The following ADGRF1 variants were observed in gnomAD, a reference collection of about 807,000 sequenced individuals.
The protein encoded by ADGRF1 is G protein-coupled receptor 110.
A neutral mutation model predicts 87.2 loss-of-function variants in ADGRF1; 85 were observed. The ratio of observed to expected loss-of-function variants is 0.97; its 90% confidence interval spans 0.82 to 1.17. ADGRF1 has a LOEUF of 1.17. Among genes scored for constraint, ADGRF1 ranks in the 50% most tolerant of loss-of-function variants. The pLI is 0.00. For missense variants in ADGRF1, 1,169 were observed against 1,077.2 expected (o/e 1.09, Z -1.19); for synonymous variants, 430 against 408.8 (o/e 1.05, Z -0.63).
chr6:47,005,224 G>T (rs1176885742), intron 13 of ADGRF1, among the ~76,000 whole-genome samples: 2 of 152,068 alleles, frequency 1.3e-5, no homozygotes, highest in Non-Finnish European at 2.9e-5. Context: ...TCCCCATATG[G>T]ATTATACTTT....
intron 7 of ADGRF1, 136 bp downstream of exon 7, chr6:47,020,595 C>A: frequency 1.3e-6 from 2 of 1,528,066 alleles, no homozygotes; most frequent in Non-Finnish European, 1.8e-6. Context: ...GATCCTTGTT[C>A]ACTTAGTAAA....
intron 13 of ADGRF1, among the ~76,000 whole-genome samples, chr6:47,002,285 A>G (rs1779384967): frequency 6.6e-6 from 1 of 152,178 alleles, no homozygotes; most frequent in Non-Finnish European, 1.5e-5. Flanking sequence ...CCACAAGGAA[A>G]CCAAACCAAG....
Position 46,998,301 on chromosome 6 carries a change from G to A in ADGRF1, c.*1921C>T, listed in dbSNP as rs1243514747. The A allele has an allele frequency of 2.0e-5, 3 of 152,256 alleles. No individual in the cohort carries two copies. In the East Asian group the frequency reaches 5.8e-4, roughly 29 times the overall value. The allele number at this position is 152,256 out of a possible 1,614,324, so 9.4% of individuals were successfully genotyped here. A position where few individuals can be genotyped will look rare whatever the true frequency, so the allele number is the denominator to read the frequency against. On this transcript the variant is annotated 3_prime_UTR_variant, in exon 15 of 15. Coordinates refer to ENST00000371253, the MANE Select transcript of ADGRF1 (RefSeq NM_153840.4). ...CCCTGACTTCTCATCTTTAGCTTGT[G>A]TAGATTTTTTTGTATTCCAGGTGGT...
chr6:47,019,307 T>C (rs958626544), intron 7 of ADGRF1: 62 of 978,768 alleles, frequency 6.3e-5, no homozygotes, highest in Non-Finnish European at 7.2e-5. Flanking sequence ...TTTGCTGGTA[T>C]TGAATTTTAA....
intron 7 of ADGRF1, chr6:47,019,180 G>A (rs1226496): frequency 0.89 from 552,073 of 620,110 alleles, 246,094 homozygotes; most frequent in African/African-American, 0.93. Context: ...TATAAGATAT[G>A]CATGATAGAA....
chr6:47,018,535 G>A (rs1245070718), intron 7 of ADGRF1: 1 of 1,289,578 alleles, frequency 7.8e-7, no homozygotes, highest in Non-Finnish European at 1.0e-6. Flanking sequence ...GCTTGTTATA[G>A]GTTTGATTTA....
At chr6:47,023,613 A>G (rs960473765) in intron 5 of ADGRF1, among the ~76,000 whole-genome samples, 7 of 152,154 alleles carry the variant, frequency 4.6e-5, no homozygotes, top group Middle Eastern at 3.2e-3. Flanking sequence ...CAATTGAGAG[A>G]TTTCTTTTAA....
At chr6:47,008,353 C>T (rs1452887068) in intron 11 of ADGRF1, among the ~76,000 whole-genome samples, 2 of 152,182 alleles carry the variant, frequency 1.3e-5, no homozygotes, top group Admixed American at 6.5e-5. Context: ...TTCTTTGTAG[C>T]AGAGATTAGC....
chr6:47,005,888 A>G lies in ADGRF1; in HGVS notation c.2533-12T>C, dbSNP rs780894493. The G allele has an allele frequency of 6.2e-7, 1 of 1,600,952 alleles. No individual in the cohort carries two copies. Among genetic ancestry groups the G allele is most frequent in the Non-Finnish European group, 8.5e-7 (1 of 1,169,832 alleles). ...AGAAGTTGTCGCAGCTATAAGGGCA[A>G]CAAAGAAATATTGAGGAGATACACA... On this transcript the variant is annotated splice_polypyrimidine_tract_variant and intron_variant, in intron 12 of 14. Coordinates refer to ENST00000371253, the MANE Select transcript of ADGRF1 (RefSeq NM_153840.4).
chr6:47,031,357 C>G (rs866731956), intron 1 of ADGRF1, among the ~76,000 whole-genome samples: 18 of 138,982 alleles, frequency 1.3e-4, no homozygotes, highest in African/African-American at 3.0e-4. Flanking sequence ...CTCTGTCTCT[C>G]TCTCTCTCTC....
chr6:47,011,984 C>G (rs372364040), intron 10 of ADGRF1, 23 bp downstream of exon 10: 21 of 1,601,200 alleles, frequency 1.3e-5, no homozygotes, highest in Non-Finnish European at 8.5e-6. Context: ...AAAGTGAGCC[C>G]TTCAAGCACA....
At chr6:47,018,248 A>G in intron 7 of ADGRF1, 1 of 541,088 alleles carries the variant, frequency 1.8e-6, no homozygotes, top group East Asian at 7.1e-5. Context: ...AAGACATGAA[A>G]GCACATGAGA....
Position 47,009,348 on chromosome 6 carries a change from T to A in ADGRF1, c.2087A>T (p.His696Leu). 1 of 1,614,154 alleles carries A rather than the reference T, an allele frequency of 6.2e-7. No individual in the cohort carries two copies. Among genetic ancestry groups the A allele is most frequent in the East Asian group, 2.2e-5 (1 of 44,886 alleles). Residue 696 changes from histidine (H) to leucine (L), a missense_variant, in exon 11 of 15, where the codon CAT becomes CTT. His to Leu is a moderately conservative substitution (Grantham distance 99, BLOSUM62 -3). Transcript: ENST00000371253. ...GCAAAATCCAACAGCCATCATCAAA[T>A]GCTGGGCCATGTGATGGAACACGAG... ...IILVFHHMAQ[H>L]LMMAVGFCLG...
At chr6:47,032,735 G>A (rs982410452) in intron 1 of ADGRF1, among the ~76,000 whole-genome samples, 1 of 152,174 alleles carries the variant, frequency 6.6e-6, no homozygotes, top group African/African-American at 2.4e-5. Flanking sequence ...TACCCAGAGT[G>A]GTGCCTAGTA....
chr6:47,019,617 G>A (rs13200279), intron 7 of ADGRF1: 6,510 of 351,424 alleles, frequency 0.019, 74 homozygotes, highest in Middle Eastern at 0.022. Context: ...CAAGGAGGTG[G>A]AGGTTGCAGT....
At chr6:47,024,951 C>G (rs1279457944) in intron 4 of ADGRF1, among the ~76,000 whole-genome samples, 1 of 152,192 alleles carries the variant, frequency 6.6e-6, no homozygotes, top group Non-Finnish European at 1.5e-5. Context: ...TTAAAGGATT[C>G]TAGAGCGTAT....
chr6:47,032,884 T>G (rs1163263384), intron 1 of ADGRF1, among the ~76,000 whole-genome samples: 2 of 152,206 alleles, frequency 1.3e-5, no homozygotes, highest in African/African-American at 4.8e-5. Flanking sequence ...AAGTACATTT[T>G]TACAGTAATT....
chr6:47,020,566 G>T, intron 7 of ADGRF1, 165 bp downstream of exon 7: 2 of 1,510,164 alleles, frequency 1.3e-6, no homozygotes, highest in South Asian at 1.3e-5. Context: ...TTACTCTTCA[G>T]ACTTTTTAAA....
chr6:47,034,320 A>T (rs1218709514), intron 1 of ADGRF1, among the ~76,000 whole-genome samples: 1 of 152,200 alleles, frequency 6.6e-6, no homozygotes, highest in Non-Finnish European at 1.5e-5. Flanking sequence ...GCCTGGAAAG[A>T]TTACCGATTT....
Sources: gnomAD v4.1 joint callset for allele counts (sites outside exome capture counted in the v4.1 genomes callset) on GRCh38, gnomAD v4.1.1 for gene constraint, MANE v1.5 for transcripts, NCBI Gene and HGNC (gene_info 2026-07-23, HGNC 2026-07-21) for gene names.